The following KIAA0513 variants were observed in gnomAD, a reference collection of about 807,000 sequenced individuals.
KIAA0513 encodes uncharacterized protein KIAA0513.
A neutral mutation model predicts 56.5 loss-of-function variants in KIAA0513; 39 were observed. The ratio of observed to expected loss-of-function variants is 0.69; its 90% CI spans 0.53 to 0.90. KIAA0513 has a LOEUF of 0.90. KIAA0513 is among the 40% of genes least tolerant of loss of function. KIAA0513 has a pLI of 0.00. For missense variants in KIAA0513, 591 were observed against 535.2 expected, an observed-to-expected ratio of 1.10 and a Z score of -1.03; for synonymous variants, 268 against 215.6, an observed-to-expected ratio of 1.24 and a Z score of -2.13.
Position 85,043,804 on chromosome 16 carries a change from G to A in KIAA0513, c.-173+15946G>A, listed in dbSNP as rs141022702. Among the ~76,000 whole-genome samples the A allele has an allele frequency of 7.2e-4, 109 of 152,222 alleles. 2 individuals carry two copies. The highest frequency in any genetic ancestry group is 3.1e-3 in the Admixed American group (47 of 15,290). On this transcript the variant is annotated intron_variant, in intron 1 of 12. Transcript: ENST00000683363. ...TCCCAGCACTCTGGGAGGCCGAAGC[G>A]GGCGGATCACCTGAGGTCGGGAGTT...
At chr16:85,072,179 C>G (rs1425598325) in intron 3 of KIAA0513, among the ~76,000 whole-genome samples, 2 of 151,944 alleles carry the variant, frequency 1.3e-5, no homozygotes, top group Admixed American at 1.3e-4. Context: ...ATAGTGAGGT[C>G]CCCCCTCCCC....
chr16:85,037,403 AC>A lies in KIAA0513; in HGVS notation c.-173+9548del, dbSNP rs1471808628. 2.6e-5 allele frequency among the ~76,000 whole-genome samples: 4 copies of A among 152,200 alleles called. 1 individual carries two copies. In the South Asian group the frequency reaches 6.2e-4, roughly 24 times the overall value. ...CTAGGACGCTAGGATACAAAATGGG[AC>A]CCTGAAAGGAGGGGTGGAAGCCTCA... On this transcript the variant is annotated intron_variant, in intron 1 of 12. Transcript: ENST00000683363.
rs541731664 is a variant in KIAA0513 at position 85,069,229 on chromosome 16, G to T, written c.329+1829G>T. Among the ~76,000 whole-genome samples the T allele has an allele frequency of 8.0e-5, 12 of 150,514 alleles. No homozygotes were observed. The South Asian group carries it at 2.1e-3, about 26-fold the overall frequency. On this transcript the variant is annotated intron_variant, in intron 2 of 12. Transcript: ENST00000683363. Reference sequence around the variant, plus strand: ...TGTGTTTTTTTTTTTTTTCTTTTTGGAGGCAAGGTCTCACTCTGTCACCCA... The same window carrying T: ...TGTGTTTTTTTTTTTTTTCTTTTTGTAGGCAAGGTCTCACTCTGTCACCCA...
intron 1 of KIAA0513, among the ~76,000 whole-genome samples, chr16:85,042,566 T>C (rs1026194603): frequency 6.6e-6 from 1 of 152,222 alleles, no homozygotes; most frequent in Non-Finnish European, 1.5e-5. Context: ...TTAAAGTTTC[T>C]TCCTCCATAA....
At chr16:85,041,226 C>T (rs999785714) in intron 1 of KIAA0513, among the ~76,000 whole-genome samples, 2 of 152,174 alleles carry the variant, frequency 1.3e-5, no homozygotes, top group African/African-American at 4.8e-5. Context: ...CGGAATCAGT[C>T]TGAATTAGCC....
At chr16:85,058,633 CAA>C (rs2073362373) in intron 1 of KIAA0513, among the ~76,000 whole-genome samples, 1 of 142,484 alleles carries the variant, frequency 7.0e-6, no homozygotes, top group South Asian at 2.2e-4. Flanking sequence ...GCCTGGGCAA[CAA>C]GAGCGGAACT....
chr16:85,078,544 T>A (rs1405051654), intron 7 of KIAA0513, 89 bp downstream of exon 7: 3 of 1,295,768 alleles, frequency 2.3e-6, no homozygotes, highest in Non-Finnish European at 3.3e-6. Flanking sequence ...GGGGCTTTCC[T>A]GCCTCCACGG....
rs916478564 is a variant in KIAA0513 at position 85,042,847 on chromosome 16, C to T, written c.-173+14989C>T. On this transcript the variant is annotated intron_variant, in intron 1 of 12. Transcript: ENST00000683363. ...TTGTGCCAGGCCTCGCCGTGGCACTCAGAGGCAGGCAGGCTTCTGACATTC... is the reference window on the plus strand; with the variant it reads ...TTGTGCCAGGCCTCGCCGTGGCACTTAGAGGCAGGCAGGCTTCTGACATTC... 5.9e-5 allele frequency among the ~76,000 whole-genome samples: 9 copies of T among 152,128 alleles called. No individual in the cohort carries two copies. In the East Asian group the frequency reaches 1.3e-3, roughly 23 times the overall value.
In KIAA0513 at chr16:85,090,120, C is replaced by T. The variant is rs1158167297; in HGVS notation, c.*1795C>T. On this transcript the variant is annotated 3_prime_UTR_variant, in exon 13 of 13. Transcript: ENST00000683363. Reference sequence around the variant, plus strand: ...TCATTGGGCCCCAACGGGCATGTCTCCACCGAATCCATTTAGAGAAATGTC... The same window carrying T: ...TCATTGGGCCCCAACGGGCATGTCTTCACCGAATCCATTTAGAGAAATGTC... 1 of 152,008 alleles carries T rather than the reference C, an allele frequency of 6.6e-6. No homozygotes were observed. Among genetic ancestry groups the T allele is most frequent in the African/African-American group, 2.4e-5 (1 of 41,376 alleles). 9.4% of individuals were successfully genotyped at this position (152,008 alleles called of 1,614,324 possible). A position where few individuals can be genotyped will look rare whatever the true frequency, so the allele number is the denominator to read the frequency against.
intron 1 of KIAA0513, among the ~76,000 whole-genome samples, chr16:85,040,972 C>G (rs138840298): frequency 2.6e-5 from 4 of 152,324 alleles, no homozygotes; most frequent in African/African-American, 9.6e-5. Context: ...CATTTCCAGG[C>G]TCCTCAAAAA....
At chr16:85,050,502 G>C (rs1039273289) in intron 1 of KIAA0513, among the ~76,000 whole-genome samples, 1 of 152,012 alleles carries the variant, frequency 6.6e-6, no homozygotes, top group African/African-American at 2.4e-5. Flanking sequence ...TTTTAGTAGA[G>C]ACAGGGTTTC....
rs190244458 is a variant in KIAA0513, at chr16:85,072,892, A to G, written c.430-33A>G. ...CTGAGTGCTGCGTGTGTCGCCCTGA[A>G]CCTCAATGATGTGTCTGCCTCTTTC... is the stretch of plus-strand genomic sequence containing the variant. On this transcript the variant is annotated intron_variant, in intron 3 of 12. Transcript: ENST00000683363. 2.5e-6 allele frequency: 4 copies of G among 1,608,638 alleles called. No individual in the cohort carries two copies. In the Admixed American group the frequency reaches 5.0e-5, roughly 20 times the overall value.
chr16:85,031,911 C>G (rs2072970062), intron 1 of KIAA0513, among the ~76,000 whole-genome samples: 1 of 152,182 alleles, frequency 6.6e-6, no homozygotes, highest in African/African-American at 2.4e-5. Context: ...ACGGTGAAAC[C>G]TAGCCTGGCT....
At chr16:85,060,649 G>C (rs1417525935) in intron 1 of KIAA0513, among the ~76,000 whole-genome samples, 1 of 152,008 alleles carries the variant, frequency 6.6e-6, no homozygotes, top group Non-Finnish European at 1.5e-5. Context: ...GACAAATCTG[G>C]GCAACATAGT....
At chr16:85,045,418 C>T (rs1567524251) in intron 1 of KIAA0513, among the ~76,000 whole-genome samples, 2 of 152,122 alleles carry the variant, frequency 1.3e-5, no homozygotes, top group Non-Finnish European at 2.9e-5. Context: ...TGCAGTGGTG[C>T]AATATTGGCT....
chr16:85,075,296 A>T (rs1330676554), intron 4 of KIAA0513, among the ~76,000 whole-genome samples: 1 of 152,150 alleles, frequency 6.6e-6, no homozygotes, highest in Admixed American at 6.6e-5. Context: ...CAGGAAAGAA[A>T]AGTCTAAAAG....
chr16:85,067,087 G>C lies in KIAA0513; in HGVS notation c.16G>C (p.Val6Leu). ...CCCCTGAGCCATGGAGACCCCAGAG[G>C]TCCCCGTGGGCTCGCTAATCGACTT... METPEVPVGSLIDFGP... is the reference protein window; with the variant it reads METPELPVGSLIDFGP... Residue 6 changes from valine (V) to leucine (L), a missense_variant, in exon 2 of 13, where the codon GTC (valine) becomes CTC (leucine). Val to Leu is a conservative substitution (Grantham distance 32, BLOSUM62 1). Coordinates refer to ENST00000683363, the MANE Select transcript of KIAA0513 (RefSeq NM_001388359.1). The C allele has an allele frequency of 6.3e-7, 1 of 1,586,008 alleles. No homozygotes were observed. The highest frequency in any genetic ancestry group is 8.6e-7 in the Non-Finnish European group (1 of 1,164,304).
At position 85,091,015 on chromosome 16, in the gene KIAA0513, T is replaced by G. The variant is rs917149155; in HGVS notation, c.*2690T>G. On this transcript the variant is annotated 3_prime_UTR_variant, in exon 13 of 13. Coordinates refer to ENST00000683363, the MANE Select transcript of KIAA0513 (RefSeq NM_001388359.1). ...CACCAGGGGCACACCCAGGGCCACC[T>G]GGGTGTAGGAGAGCTCTGGTGGCCC... 18 of 152,262 alleles carry G rather than the reference T, an allele frequency of 1.2e-4. No homozygotes were observed. The highest frequency in any genetic ancestry group is 4.3e-4 in the African/African-American group (18 of 41,446). The allele number at this position is 152,262 out of a possible 1,614,324, so 9.4% of individuals were successfully genotyped here. A position where few individuals can be genotyped will look rare whatever the true frequency, so the allele number is the denominator to read the frequency against.
intron 1 of KIAA0513, among the ~76,000 whole-genome samples, chr16:85,053,901 A>G (rs1255138671): frequency 6.6e-6 from 1 of 151,894 alleles, no homozygotes; most frequent in Admixed American, 6.6e-5. Context: ...CTGAGGCAGG[A>G]GAATCACTTG....
Sources: allele counts gnomAD v4.1 joint callset (sites outside exome capture counted in the v4.1 genomes callset), GRCh38; gene constraint gnomAD v4.1.1; transcripts MANE v1.5; gene names NCBI Gene and HGNC (gene_info 2026-07-23, HGNC 2026-07-21).